CDH13: variants seen among roughly 807,000 people sequenced by gnomAD.
CDH13 encodes the protein cadherin-13.
In CDH13, 24 loss-of-function variants were observed where a neutral mutation model predicts 63.8. The ratio of observed to expected loss-of-function variants is 0.38; its 90% CI spans 0.27 to 0.53. The LOEUF (loss-of-function observed/expected upper bound fraction) is 0.53. CDH13 is among the 20% of genes least tolerant of loss of function. The pLI is 0.85. For synonymous variants in CDH13, 503 were observed against 355.3 expected (o/e 1.42, Z -4.67); for missense variants, 1,049 against 903.1 (o/e 1.16, Z -2.07).
At chr16:83,788,840 A>C (rs887703081) in intron 13 of CDH13, among the ~76,000 whole-genome samples, 3 of 152,194 alleles carry the variant, frequency 2.0e-5, no homozygotes, top group Admixed American at 6.5e-5. Flanking sequence ...TTATTCCCAC[A>C]GTGAAACTCT....
chr16:83,382,034 T>C (rs1447850955), intron 6 of CDH13, among the ~76,000 whole-genome samples: 1 of 152,188 alleles, frequency 6.6e-6, no homozygotes, highest in Non-Finnish European at 1.5e-5. Context: ...GCTTAGAGCA[T>C]GGGTCCCATA....
intron 4 of CDH13, among the ~76,000 whole-genome samples, chr16:83,154,178 A>G (rs909599232): frequency 6.6e-6 from 1 of 152,146 alleles, no homozygotes; most frequent in African/African-American, 2.4e-5. Context: ...TTGCCATGAC[A>G]CGAGCTTATC....
intron 10 of CDH13, among the ~76,000 whole-genome samples, chr16:83,706,458 C>G (rs761166474): frequency 3.3e-4 from 50 of 152,070 alleles, no homozygotes; most frequent in Non-Finnish European, 5.9e-4. Context: ...TGCTATAGAG[C>G]CAAAGTCTGC....
chr16:83,655,949 G>A (rs139015458), intron 8 of CDH13, among the ~76,000 whole-genome samples: 2 of 152,152 alleles, frequency 1.3e-5, no homozygotes, highest in Non-Finnish European at 1.5e-5. Context: ...CTCCACCAAG[G>A]TTGGTAGGGG....
At chr16:82,720,002 G>C (rs552211353) in intron 1 of CDH13, among the ~76,000 whole-genome samples, 1 of 151,980 alleles carries the variant, frequency 6.6e-6, no homozygotes, top group Non-Finnish European at 1.5e-5. Flanking sequence ...AAATTCTTAC[G>C]GCACGTTCCT....
At chr16:83,225,934 CAAAAT>C (rs796908269) in intron 5 of CDH13, among the ~76,000 whole-genome samples, 2 of 152,104 alleles carry the variant, frequency 1.3e-5, no homozygotes, top group African/African-American at 2.4e-5. Flanking sequence ...GTTTCTAACA[CAAAAT>C]AAAAGTCAAA....
chr16:83,459,167 T>A (rs986988119), intron 6 of CDH13, among the ~76,000 whole-genome samples: 1 of 152,246 alleles, frequency 6.6e-6, no homozygotes, highest in Non-Finnish European at 1.5e-5. Context: ...TAAGAACATC[T>A]TAATGAAAAT....
chr16:83,720,630 A>G (rs1293013387), intron 10 of CDH13, among the ~76,000 whole-genome samples: 11 of 151,572 alleles, frequency 7.3e-5, no homozygotes, highest in Admixed American at 7.2e-4. Context: ...CAGCCAATGT[A>G]TCATTTCAGG....
At chr16:83,037,978 G>A (rs1000332894) in intron 3 of CDH13, among the ~76,000 whole-genome samples, 6 of 152,270 alleles carry the variant, frequency 3.9e-5, no homozygotes, top group East Asian at 1.9e-4. Context: ...AGGGCTAAGT[G>A]TATTCACTGA....
In CDH13 at chr16:83,224,987, G is replaced by A. The variant is rs576868594; in HGVS notation, c.636+7490G>A. ...AATGTCAGTAACTCTCTGTAAAAGG[G>A]AATCATCTCACTGGGCAGTTTCAAA... On this transcript the variant is annotated intron_variant, in intron 5 of 13. Transcript: ENST00000567109. Among the ~76,000 whole-genome samples, 7 of 152,296 alleles carry A rather than the reference G, an allele frequency of 4.6e-5. No individual in the cohort carries two copies. In the South Asian group the frequency reaches 1.5e-3, roughly 32 times the overall value.
chr16:82,652,291 C>G (rs933472334), intron 1 of CDH13, among the ~76,000 whole-genome samples: 3 of 152,210 alleles, frequency 2.0e-5, no homozygotes, highest in African/African-American at 7.2e-5. Context: ...ATAGCTGGTC[C>G]TTGGCAGTTC....
chr16:83,567,446 A>G (rs2150698972), intron 7 of CDH13, among the ~76,000 whole-genome samples: 1 of 152,346 alleles, frequency 6.6e-6, no homozygotes, highest in Middle Eastern at 3.4e-3. Flanking sequence ...CTGAGTCACA[A>G]GAAGAGTTGC....
chr16:83,418,561 T>C (rs1448464899), intron 6 of CDH13, among the ~76,000 whole-genome samples: 1 of 152,158 alleles, frequency 6.6e-6, no homozygotes, highest in Non-Finnish European at 1.5e-5. Flanking sequence ...CAAGTTAGGG[T>C]TTGATCCGAT....
intron 2 of CDH13, among the ~76,000 whole-genome samples, chr16:83,031,323 A>G (rs1252533170): frequency 7.1e-6 from 1 of 140,072 alleles, no homozygotes; most frequent in African/African-American, 2.6e-5. Flanking sequence ...ATAGGCATGT[A>G]TATATATGTA....
chr16:82,890,921 G>A (rs537361510), intron 2 of CDH13, among the ~76,000 whole-genome samples: 1 of 152,126 alleles, frequency 6.6e-6, no homozygotes, highest in South Asian at 2.1e-4. Context: ...CAAAGTGCTG[G>A]GATTACAGGC....
chr16:83,201,810 G>A (rs1306859560), intron 4 of CDH13, among the ~76,000 whole-genome samples: 3 of 151,842 alleles, frequency 2.0e-5, no homozygotes, highest in Non-Finnish European at 2.9e-5. Context: ...CCAGCTACTT[G>A]GGAGGCTGAG....
intron 1 of CDH13, among the ~76,000 whole-genome samples, chr16:82,751,961 C>G (rs538169523): frequency 5.4e-4 from 82 of 152,264 alleles, no homozygotes; most frequent in African/African-American, 1.9e-3. Context: ...ATCTGTCTTC[C>G]AGAAACATAC....
chr16:82,866,553 T>A (rs2040152696), intron 2 of CDH13, among the ~76,000 whole-genome samples: 1 of 151,948 alleles, frequency 6.6e-6, no homozygotes, highest in Non-Finnish European at 1.5e-5. Context: ...CATGCCTGGC[T>A]AATTTTTTGT....
At position 83,758,044 on chromosome 16, in the gene CDH13, A is replaced by T. The variant is rs552273554; in HGVS notation, c.1681+9794A>T. On this transcript the variant is annotated intron_variant, in intron 11 of 13. Coordinates refer to ENST00000567109, the MANE Select transcript of CDH13 (RefSeq NM_001257.5). ...CACTCTGTCCCAAAAAAAAAGAAAG[A>T]AAAAGAAAAGAAGAAAATCTTAACT... Among the ~76,000 whole-genome samples the T allele has an allele frequency of 7.3e-4, 111 of 152,022 alleles. No homozygotes were observed. The Middle Eastern group carries it at 0.02, about 28-fold the overall frequency.
Sources: gnomAD v4.1 joint callset for allele counts (sites outside exome capture counted in the v4.1 genomes callset) on GRCh38, gnomAD v4.1.1 for gene constraint, MANE v1.5 for transcripts, NCBI Gene and HGNC (gene_info 2026-07-23, HGNC 2026-07-21) for gene names.